Variants in MICAL3 observed in about 807,000 individuals in gnomAD.
MICAL3 encodes the protein microtubule associated monooxygenase, calponin and LIM domain containing 3.
Under a neutral mutation model 207.4 loss-of-function variants are expected in MICAL3, and 62 were observed. That is an observed-to-expected ratio of 0.30 (90% CI 0.24 to 0.37). The LOEUF (loss-of-function observed/expected upper bound fraction) is 0.37, where lower values mean the gene tolerates loss of function less well. MICAL3 is among the 10% of genes least tolerant of loss of function. The pLI is 1.00. For missense variants in MICAL3, 2,368 were observed against 2,635.6 expected (o/e 0.90, Z 2.22); for synonymous variants, 1,077 against 1,069.3 (o/e 1.01, Z -0.14).
At position 17,818,202 on chromosome 22, in the gene MICAL3, G is replaced by T. The variant is rs780396815; in HGVS notation, c.4459C>A (p.Pro1487Thr). Reference protein sequence around the residue: ...REAEPNASVVPPPLPATWMRP... With the variant: ...REAEPNASVVTPPLPATWMRP... Reference sequence around the variant, plus strand: ...ATCCAGGTGGCGGGCAAGGGCGGCGGGACCACCGAGGCATTGGGCTCGGCC... The same window carrying T: ...ATCCAGGTGGCGGGCAAGGGCGGCGTGACCACCGAGGCATTGGGCTCGGCC... The change falls in exon 26 of 32, where the codon CCG becomes ACG. Residue 1487 changes from proline to threonine, a missense_variant. Coordinates refer to ENST00000441493, the MANE Select transcript of MICAL3 (RefSeq NM_015241.3). 2 of 1,553,920 alleles carry T rather than the reference G, an allele frequency of 1.3e-6. No homozygotes were observed. Among genetic ancestry groups the T allele is most frequent in the Admixed American group, 1.9e-5 (1 of 52,806 alleles).
rs1236422255 is a variant in MICAL3 at position 17,817,328 on chromosome 22, A to G, written c.5333T>C (p.Leu1778Pro). 2 of 1,603,580 alleles carry G rather than the reference A, an allele frequency of 1.2e-6. No homozygotes were observed. The highest frequency in any genetic ancestry group is 1.7e-6 in the Non-Finnish European group (2 of 1,175,518). Residue 1778 changes from leucine (L) to proline (P), a missense_variant, in exon 26 of 32, where the codon CTT becomes CCT. This residue lies in a region of MICAL3 where 1,770 missense variants were observed against 1,863.2 expected (regional missense o/e 0.95). Coordinates refer to ENST00000441493, the MANE Select transcript of MICAL3 (RefSeq NM_015241.3). ...TGACGCACCTGCCCTTACGACGGGA[A>G]GCACCCTGTGCTTTCCAGAGTCCAC... is the stretch of plus-strand genomic sequence containing the variant. ...ATVDSGKHRV[L>P]PVVRAELQLR...
intron 1 of MICAL3, among the ~76,000 whole-genome samples, chr22:18,008,038 C>T (rs947120408): frequency 2.0e-5 from 3 of 150,310 alleles, no homozygotes; most frequent in African/African-American, 4.9e-5. Flanking sequence ...GTCAGGAGTT[C>T]GAGACCAGCC....
chr22:17,817,868 C>T lies in MICAL3; in HGVS notation c.4793G>A (p.Arg1598Gln), dbSNP rs1266783427. 3.7e-6 allele frequency: 6 copies of T among 1,612,242 alleles called. No homozygotes were observed. In the African/African-American group the frequency reaches 4.0e-5, roughly 11 times the overall value. The change falls in exon 26 of 32, where the codon CGA (arginine) becomes CAA (glutamine). Residue 1598 changes from arginine to glutamine, a missense_variant. Physicochemically the swap from Arg to Gln is conservative, Grantham distance 43. Around this residue, in one of 4 missense-constraint regions of MICAL3, gnomAD observed 1,770 missense variants for 1,863.2 expected, o/e 0.95. Coordinates refer to ENST00000441493, the MANE Select transcript of MICAL3 (RefSeq NM_015241.3). ...EAKELAEERM[R>Q]AREKSVKSQA... ...GCTCTTCACGGACTTCTCCCTGGCT[C>T]GCATGCGCTCCTCGGCCAACTCCTT...
intron 1 of MICAL3, among the ~76,000 whole-genome samples, chr22:17,957,912 G>C (rs886481916): frequency 6.6e-6 from 1 of 152,142 alleles, no homozygotes; most frequent in Non-Finnish European, 1.5e-5. Context: ...GTGGTGGCTG[G>C]AGTTTCTTAA....
rs558912697 is a variant in MICAL3, at chr22:17,832,812, G to A, written c.2802-705C>T. 3.3e-5 allele frequency among the ~76,000 whole-genome samples: 5 copies of A among 152,226 alleles called. No homozygotes were observed. The East Asian group carries it at 5.8e-4, about 18-fold the overall frequency. ...GATCAAGGTCTGTGTGCTGGGGTGG[G>A]GCGACAGATTCCATTTCCTGGCACT... On this transcript the variant is annotated intron_variant, in intron 20 of 31. Coordinates refer to ENST00000441493, the MANE Select transcript of MICAL3 (RefSeq NM_015241.3).
chr22:17,873,393 T>C (rs1450007599), intron 16 of MICAL3, among the ~76,000 whole-genome samples: 1 of 152,268 alleles, frequency 6.6e-6, no homozygotes, highest in African/African-American at 2.4e-5. Flanking sequence ...TTCCTGACGC[T>C]TGACCCCACA....
intron 1 of MICAL3, among the ~76,000 whole-genome samples, chr22:17,978,086 G>A (rs375044033): frequency 6.6e-6 from 1 of 151,944 alleles, no homozygotes; most frequent in Non-Finnish European, 1.5e-5. Context: ...ACAAAAACTT[G>A]CACATGACTA....
At chr22:17,957,378 C>T (rs369369300) in intron 1 of MICAL3, among the ~76,000 whole-genome samples, 20 of 152,258 alleles carry the variant, frequency 1.3e-4, no homozygotes, top group Non-Finnish European at 2.4e-4. Context: ...TTGCAATTTC[C>T]GACTGAAACT....
chr22:17,901,856 G>A (rs1209939897), intron 5 of MICAL3, 22 bp downstream of exon 5: 5 of 1,582,700 alleles, frequency 3.2e-6, no homozygotes, highest in Admixed American at 1.7e-5. Flanking sequence ...TATGAGCCAG[G>A]CAGAGGAGCA....
At position 17,859,142 on chromosome 22, in the gene MICAL3, C is replaced by T. The variant is rs532557164; in HGVS notation, c.2605+5757G>A. Among the ~76,000 whole-genome samples, 269 of 152,282 alleles carry T rather than the reference C, an allele frequency of 1.8e-3. 1 individual carries two copies. Among genetic ancestry groups the T allele is most frequent in the Admixed American group, 5.8e-3 (88 of 15,300 alleles). On this transcript the variant is annotated intron_variant, in intron 19 of 31. Coordinates refer to ENST00000441493, the MANE Select transcript of MICAL3 (RefSeq NM_015241.3). ...ACCATCGAGGCTCTGAGGAAAATGA[C>T]GGTGTCACAGCAGAGCTGTGAGCTA...
chr22:17,823,058 G>C lies in MICAL3; in HGVS notation c.3196C>G (p.Pro1066Ala), dbSNP rs772622205. ...PASESSASGA[P>A]LDENDLEEDV... Reference sequence around the variant, plus strand: ...TCCTCTAGGTCATTCTCATCCAATGGGGCTGCAAAGCAGAAAGGTTCAAAG... The same window carrying C: ...TCCTCTAGGTCATTCTCATCCAATGCGGCTGCAAAGCAGAAAGGTTCAAAG... Residue 1066 changes from proline to alanine, a missense_variant and splice_region_variant, in exon 23 of 32, where the codon CCA becomes GCA. By Grantham distance (27) the Pro-to-Ala change is conservative (BLOSUM62 -1). Around this residue, in one of 4 missense-constraint regions of MICAL3, gnomAD observed 1,770 missense variants for 1,863.2 expected, o/e 0.95. Transcript: ENST00000441493. 6.3e-7 allele frequency: 1 copy of C among 1,597,100 alleles called. No individual in the cohort carries two copies. The highest frequency in any genetic ancestry group is 1.1e-5 in the South Asian group (1 of 90,744).
chr22:17,946,473 C>T (rs1221244881), intron 1 of MICAL3, among the ~76,000 whole-genome samples: 1 of 151,998 alleles, frequency 6.6e-6, no homozygotes, highest in Non-Finnish European at 1.5e-5. Flanking sequence ...AAATGGGACA[C>T]ATCTTTGTAT....
At chr22:17,795,897 G>A (rs373478720) in intron 29 of MICAL3, among the ~76,000 whole-genome samples, 1 of 150,694 alleles carries the variant, frequency 6.6e-6, no homozygotes. Flanking sequence ...GCATGCATGG[G>A]GCGGGGGTGG....
intron 1 of MICAL3, among the ~76,000 whole-genome samples, chr22:17,930,429 T>A (rs1430480818): frequency 6.6e-6 from 1 of 152,150 alleles, no homozygotes; most frequent in Non-Finnish European, 1.5e-5. Context: ...AGCAAAATGA[T>A]AAGCTGCAGT....
intron 1 of MICAL3, among the ~76,000 whole-genome samples, chr22:17,954,358 T>C (rs1934509676): frequency 6.6e-6 from 1 of 151,650 alleles, no homozygotes; most frequent in Non-Finnish European, 1.5e-5. Flanking sequence ...GCAGGTGGGG[T>C]CAGTGCATGA....
At chr22:17,911,888 C>A (rs1261670604) in intron 1 of MICAL3, among the ~76,000 whole-genome samples, 2 of 152,202 alleles carry the variant, frequency 1.3e-5, no homozygotes, top group African/African-American at 4.8e-5. Context: ...TATTTTCCCT[C>A]AGAAACCAGG....
Position 17,895,388 on chromosome 22 carries a change from G to A in MICAL3, c.1345C>T (p.Pro449Ser), listed in dbSNP as rs1161122975. The change falls in exon 10 of 32, where the codon CCT (proline) becomes TCT (serine). Residue 449 changes from proline (P) to serine (S), a missense_variant. This residue lies in a region of MICAL3 where 147 missense variants were observed against 137.7 expected (regional missense o/e 1.07). Transcript: ENST00000441493. ...AERESIYRLL[P>S]QTTPENVSKN... ...CTCACATTCTCAGGGGTGGTCTGAG[G>A]CAGCAACCTGTAAATACTTTCCCTG... 1.2e-6 allele frequency: 2 copies of A among 1,613,726 alleles called. No homozygotes were observed.
chr22:17,991,678 T>A (rs924658956), intron 1 of MICAL3, among the ~76,000 whole-genome samples: 18 of 152,226 alleles, frequency 1.2e-4, no homozygotes, highest in African/African-American at 4.3e-4. Flanking sequence ...TAATTTCTAT[T>A]TGAATGGACC....
chr22:17,817,510 C>A lies in MICAL3; in HGVS notation c.5151G>T (p.Glu1717Asp). 6.2e-7 allele frequency: 1 copy of A among 1,613,650 alleles called. No individual in the cohort carries two copies. Among genetic ancestry groups the A allele is most frequent in the Non-Finnish European group, 8.5e-7 (1 of 1,179,840 alleles). Reference sequence around the variant, plus strand: ...AGCTGGGCTTCTCCGGGGGCCGGCCCTCGCCTTTGGACTTCTTCTCCTTCT... The same window carrying A: ...AGCTGGGCTTCTCCGGGGGCCGGCCATCGCCTTTGGACTTCTTCTCCTTCT... ...RNKKEKKSKG[E>D]GRPPEKPSSN... Residue 1717 changes from glutamate (E) to aspartate (D), a missense_variant, in exon 26 of 32, where the codon GAG (glutamate) becomes GAT (aspartate). By Grantham distance (45) the Glu-to-Asp change is conservative (BLOSUM62 2). Around this residue, in one of 4 missense-constraint regions of MICAL3, gnomAD observed 1,770 missense variants for 1,863.2 expected, o/e 0.95. Transcript: ENST00000441493.
Sources: gnomAD v4.1 joint callset for allele counts (sites outside exome capture counted in the v4.1 genomes callset) on GRCh38, gnomAD v4.1.1 for gene constraint, gnomAD v4.1.1 regional missense constraint, MANE v1.5 for transcripts, NCBI Gene and HGNC (gene_info 2026-07-23, HGNC 2026-07-21) for gene names.